SPAG16: variants seen among roughly 807,000 people sequenced by gnomAD.
SPAG16 encodes the protein sperm-associated antigen 16 protein.
SPAG16 carries 86 observed loss-of-function variants against 80.4 expected under a neutral mutation model. The observed-to-expected ratio is 1.07, with a 90% CI of 0.90 to 1.28. The LOEUF is 1.28. SPAG16 is among the 50% of genes most tolerant of loss of function. The probability of loss-of-function intolerance (pLI) is 0.00; values close to 1 mark genes in which losing one functional copy is unlikely to be tolerated. For missense variants in SPAG16, 870 were observed against 765.3 expected (o/e 1.14, Z -1.61); for synonymous variants, 294 against 265.9 (o/e 1.11, Z -1.03).
chr2:214,304,319 T>C (rs142329393), intron 15 of SPAG16, among the ~76,000 whole-genome samples: 162 of 152,232 alleles, frequency 1.1e-3, no homozygotes, highest in Non-Finnish European at 1.6e-3. Context: ...CACTGGAAGG[T>C]TGTGGGTTTA....
chr2:214,052,649 T>A (rs1322089263), intron 13 of SPAG16, among the ~76,000 whole-genome samples: 1 of 152,176 alleles, frequency 6.6e-6, no homozygotes, highest in Non-Finnish European at 1.5e-5. Flanking sequence ...CAAGAAAAGC[T>A]ATTTTTAAAA....
intron 10 of SPAG16, among the ~76,000 whole-genome samples, chr2:213,743,279 A>G (rs1248287540): frequency 6.6e-6 from 1 of 152,238 alleles, no homozygotes; most frequent in Non-Finnish European, 1.5e-5. Context: ...TTCTGAATAC[A>G]CTGACATTCA....
At chr2:214,209,476 A>G (rs1048546729) in intron 15 of SPAG16, among the ~76,000 whole-genome samples, 5 of 152,184 alleles carry the variant, frequency 3.3e-5, no homozygotes, top group African/African-American at 9.6e-5. Context: ...TATTCAAACA[A>G]AAGCATATCC....
chr2:213,678,442 C>CA (rs2064211329), intron 10 of SPAG16, among the ~76,000 whole-genome samples: 1 of 152,016 alleles, frequency 6.6e-6, no homozygotes, highest in Admixed American at 6.6e-5. Context: ...GGGATATCAC[C>CA]ACCGATCCCA....
rs1161279116 is a variant in SPAG16 at position 213,930,226 on chromosome 2, TC to T, written c.1400+83del. The T allele has an allele frequency of 1.2e-5, 12 of 961,778 alleles. No individual in the cohort carries two copies. In the East Asian group the frequency reaches 2.7e-4, roughly 22 times the overall value. The allele number at this position is 961,778 out of a possible 1,614,324, so 59.6% of individuals were successfully genotyped here. A position where few individuals can be genotyped will look rare whatever the true frequency, so the allele number is the denominator to read the frequency against. On this transcript the variant is annotated intron_variant, in intron 12 of 15. Coordinates refer to ENST00000331683, the MANE Select transcript of SPAG16 (RefSeq NM_024532.5). Reference sequence around the variant, plus strand: ...AAGTGGTAAAGTTCTTTTTTTTTTTTCCTTGATGCTACCCCAGGGAAACATT... The same window carrying T: ...AAGTGGTAAAGTTCTTTTTTTTTTTTCTTGATGCTACCCCAGGGAAACATT...
intron 10 of SPAG16, among the ~76,000 whole-genome samples, chr2:213,776,831 C>CG (rs963656008): frequency 2.5e-5 from 3 of 118,946 alleles, no homozygotes; most frequent in Admixed American, 9.7e-5. Flanking sequence ...ATGCCACCCC[C>CG]CCCCCACCCC....
chr2:214,194,684 A>T (rs2057773964), intron 15 of SPAG16, among the ~76,000 whole-genome samples: 1 of 152,094 alleles, frequency 6.6e-6, no homozygotes, highest in African/African-American at 2.4e-5. Flanking sequence ...AAGTCACAAC[A>T]TTAATAAAAT....
chr2:213,537,520 G>A (rs1377006009), intron 10 of SPAG16, among the ~76,000 whole-genome samples: 1 of 151,924 alleles, frequency 6.6e-6, no homozygotes, highest in Non-Finnish European at 1.5e-5. Flanking sequence ...GTGGAATTCT[G>A]CTCTATATAA....
At chr2:213,719,409 T>C (rs1309377189) in intron 10 of SPAG16, among the ~76,000 whole-genome samples, 1 of 152,190 alleles carries the variant, frequency 6.6e-6, no homozygotes, top group South Asian at 2.1e-4. Context: ...GGTGGGGCCT[T>C]GGAGAACCTG....
chr2:214,064,437 T>C (rs760967036), intron 13 of SPAG16, among the ~76,000 whole-genome samples: 10 of 152,260 alleles, frequency 6.6e-5, no homozygotes, highest in Admixed American at 4.6e-4. Context: ...AATCTATTTC[T>C]TGGAGGTCCC....
At chr2:213,527,678 C>T (rs1262156555) in intron 10 of SPAG16, among the ~76,000 whole-genome samples, 1 of 152,018 alleles carries the variant, frequency 6.6e-6, no homozygotes, top group Non-Finnish European at 1.5e-5. Flanking sequence ...AAAAATTACA[C>T]TAAAAACTCA....
chr2:213,645,848 C>T (rs1448497562), intron 10 of SPAG16, among the ~76,000 whole-genome samples: 1 of 152,102 alleles, frequency 6.6e-6, no homozygotes, highest in Non-Finnish European at 1.5e-5. Context: ...TCCTTATGAC[C>T]CAGACTGCCT....
At position 213,489,858 on chromosome 2, in the gene SPAG16, G is replaced by A. The variant is rs112461570; in HGVS notation, c.943-105G>A. ...AATGAAGGACTTCATGTAAATTCTGGGCAAATATAATGTTTATGTTGTAAT... is the reference window on the plus strand; with the variant it reads ...AATGAAGGACTTCATGTAAATTCTGAGCAAATATAATGTTTATGTTGTAAT... On this transcript the variant is annotated intron_variant, in intron 9 of 15. Transcript: ENST00000331683. The A allele has an allele frequency of 9.4e-5, 84 of 895,958 alleles. No homozygotes were observed. In the Middle Eastern group the frequency reaches 3.0e-3, roughly 32 times the overall value. 55.5% of individuals were successfully genotyped at this position (895,958 alleles called of 1,614,324 possible). A position where few individuals can be genotyped will look rare whatever the true frequency, so the allele number is the denominator to read the frequency against.
chr2:213,449,287 A>G (rs2071542251), intron 9 of SPAG16, among the ~76,000 whole-genome samples: 1 of 152,174 alleles, frequency 6.6e-6, no homozygotes, highest in African/African-American at 2.4e-5. Context: ...AAGACAATAC[A>G]TGCACCACTG....
At position 213,611,364 on chromosome 2, in the gene SPAG16, TG is replaced by T. The variant is rs1238494863; in HGVS notation, c.1070+121275del. On this transcript the variant is annotated intron_variant, in intron 10 of 15. Coordinates refer to ENST00000331683, the MANE Select transcript of SPAG16 (RefSeq NM_024532.5). ...CATTGGTAAGCATGTATTAATAGCATGTTTTTTTCTATGTGATTTTATATTT... is the reference window on the plus strand; with the variant it reads ...CATTGGTAAGCATGTATTAATAGCATTTTTTTTCTATGTGATTTTATATTT... Among the ~76,000 whole-genome samples, 10 of 152,360 alleles carry T rather than the reference TG, an allele frequency of 6.6e-5. No homozygotes were observed. In the South Asian group the frequency reaches 1.2e-3, roughly 19 times the overall value.
chr2:214,402,819 G>A (rs1701788173), intron 15 of SPAG16, among the ~76,000 whole-genome samples: 1 of 151,558 alleles, frequency 6.6e-6, no homozygotes, highest in Non-Finnish European at 1.5e-5. Flanking sequence ...TCAGATTCTT[G>A]GAATCAATAG....
At chr2:213,333,679 A>G (rs1192479568) in intron 5 of SPAG16, among the ~76,000 whole-genome samples, 1 of 152,198 alleles carries the variant, frequency 6.6e-6, no homozygotes, top group African/African-American at 2.4e-5. Context: ...AACAGAATAG[A>G]GAACCAGAAA....
At chr2:213,771,011 T>C (rs1222213533) in intron 10 of SPAG16, among the ~76,000 whole-genome samples, 3 of 152,220 alleles carry the variant, frequency 2.0e-5, no homozygotes, top group Non-Finnish European at 4.4e-5. Context: ...ATGGTTTTTC[T>C]GGTTCTAGGT....
chr2:213,440,077 T>G (rs1433813033), intron 9 of SPAG16, among the ~76,000 whole-genome samples: 1 of 152,022 alleles, frequency 6.6e-6, no homozygotes, highest in Non-Finnish European at 1.5e-5. Flanking sequence ...AATCCATATA[T>G]CTATATAATC....
Sources: allele counts gnomAD v4.1 joint callset (sites outside exome capture counted in the v4.1 genomes callset), GRCh38; gene constraint gnomAD v4.1.1; transcripts MANE v1.5; gene names NCBI Gene and HGNC (gene_info 2026-07-23, HGNC 2026-07-21).